Variants in PDSS2 observed in about 807,000 individuals in gnomAD.
The protein encoded by PDSS2 is decaprenyl diphosphate synthase subunit 2.
PDSS2 carries 31 observed loss-of-function variants against 44.5 expected under a neutral mutation model. The observed-to-expected ratio is 0.70, with a 90% CI of 0.52 to 0.94. The LOEUF (loss-of-function observed/expected upper bound fraction) is 0.94, where lower values mean the gene tolerates loss of function less well. PDSS2 is among the 40% of genes least tolerant of loss of function. The pLI is 0.00. For missense variants in PDSS2, 452 were observed against 482.2 expected, an observed-to-expected ratio of 0.94 and a Z score of 0.59; for synonymous variants, 157 against 180.3, an observed-to-expected ratio of 0.87 and a Z score of 1.03.
intron 2 of PDSS2, among the ~76,000 whole-genome samples, chr6:107,301,768 C>A (rs1314767918): frequency 6.6e-6 from 1 of 151,894 alleles, no homozygotes; most frequent in Non-Finnish European, 1.5e-5. Context: ...TTGAGACCAG[C>A]TTGACCAACA....
chr6:107,324,259 T>G (rs1777471682), intron 2 of PDSS2, among the ~76,000 whole-genome samples: 2 of 152,206 alleles, frequency 1.3e-5, no homozygotes, highest in African/African-American at 4.8e-5. Flanking sequence ...TAGGAATATG[T>G]AATCAAATTG....
At chr6:107,338,301 A>G (rs922462069) in intron 1 of PDSS2, among the ~76,000 whole-genome samples, 3 of 152,222 alleles carry the variant, frequency 2.0e-5, no homozygotes, top group African/African-American at 7.2e-5. Context: ...CTTAAGGGAC[A>G]CTGACAAGCT....
At chr6:107,356,568 G>A (rs1778603553) in intron 1 of PDSS2, among the ~76,000 whole-genome samples, 1 of 152,128 alleles carries the variant, frequency 6.6e-6, no homozygotes, top group African/African-American at 2.4e-5. Context: ...GATCATAAAT[G>A]TTATTTCAAG....
At chr6:107,403,167 G>C (rs1780201072) in intron 1 of PDSS2, among the ~76,000 whole-genome samples, 1 of 152,120 alleles carries the variant, frequency 6.6e-6, no homozygotes, top group Admixed American at 6.5e-5. Context: ...TTCCAAATGG[G>C]AGAAGTTGGC....
chr6:107,283,104 C>T (rs1484188317), intron 2 of PDSS2, among the ~76,000 whole-genome samples: 2 of 150,982 alleles, frequency 1.3e-5, no homozygotes, highest in Admixed American at 1.3e-4. Context: ...AGGATTGCTT[C>T]GCCCAGGAGT....
chr6:107,161,382 A>T (rs1207058514), intron 7 of PDSS2, among the ~76,000 whole-genome samples: 1 of 151,246 alleles, frequency 6.6e-6, no homozygotes, highest in African/African-American at 2.4e-5. Flanking sequence ...GTGGAGGCTG[A>T]GGCAGGAGAA....
chr6:107,205,008 T>C (rs1384070880), intron 6 of PDSS2, among the ~76,000 whole-genome samples: 1 of 152,218 alleles, frequency 6.6e-6, no homozygotes, highest in East Asian at 1.9e-4. Flanking sequence ...GATATTAATA[T>C]TATTCCTTTT....
At chr6:107,431,762 C>T (rs1781201445) in intron 1 of PDSS2, among the ~76,000 whole-genome samples, 1 of 152,146 alleles carries the variant, frequency 6.6e-6, no homozygotes, top group South Asian at 2.1e-4. Flanking sequence ...ATAACAGTAG[C>T]TATATTTATT....
chr6:107,459,480 A>C lies in PDSS2; in HGVS notation c.-195T>G. The C allele has an allele frequency of 1.7e-6, 1 of 603,114 alleles. No individual in the cohort carries two copies. The highest frequency in any genetic ancestry group is 2.9e-6 in the Non-Finnish European group (1 of 339,400). The allele number at this position is 603,114 out of a possible 1,614,324, so 37.4% of individuals were successfully genotyped here. Reference sequence around the variant, plus strand: ...TTCTGCAGCCCAGGCTGGGCAAACAACAGTCCCAGCTCAGCACTGCCCCCG... The same window carrying C: ...TTCTGCAGCCCAGGCTGGGCAAACACCAGTCCCAGCTCAGCACTGCCCCCG... On this transcript the variant is annotated 5_prime_UTR_variant, in exon 1 of 8. Transcript: ENST00000369037. The surrounding 1 kb of genome is among the most constrained non-coding windows in gnomAD (Gnocchi z 4.3).
chr6:107,357,349 C>T (rs1308129741), intron 1 of PDSS2, among the ~76,000 whole-genome samples: 2 of 152,100 alleles, frequency 1.3e-5, no homozygotes, highest in African/African-American at 4.8e-5. Context: ...CATCTATTAG[C>T]ATGAGAAAGC....
At chr6:107,413,792 T>C (rs1408467241) in intron 1 of PDSS2, among the ~76,000 whole-genome samples, 1 of 152,196 alleles carries the variant, frequency 6.6e-6, no homozygotes, top group Non-Finnish European at 1.5e-5. Context: ...ACTTTTTTTA[T>C]GCATTCACGT....
At chr6:107,348,681 G>A (rs576315273) in intron 1 of PDSS2, among the ~76,000 whole-genome samples, 14 of 152,266 alleles carry the variant, frequency 9.2e-5, no homozygotes, top group African/African-American at 3.4e-4. Flanking sequence ...GTTTCCATCA[G>A]TACAAAGGCC....
At chr6:107,456,061 G>A (rs566994360) in intron 1 of PDSS2, among the ~76,000 whole-genome samples, 84 of 152,284 alleles carry the variant, frequency 5.5e-4, no homozygotes, top group African/African-American at 1.9e-3. Context: ...GGTGGCTCAC[G>A]CCTATAATCC....
At chr6:107,159,991 G>A (rs185651532) in intron 7 of PDSS2, among the ~76,000 whole-genome samples, 4 of 152,126 alleles carry the variant, frequency 2.6e-5, no homozygotes, top group East Asian at 1.9e-4. Flanking sequence ...CTTGGAGGGC[G>A]GATCACTTGA....
intron 4 of PDSS2, among the ~76,000 whole-genome samples, chr6:107,227,405 CAGCCTCCTGAGT>C (rs1341370738): frequency 6.6e-6 from 1 of 151,198 alleles, no homozygotes; most frequent in Admixed American, 6.6e-5. Flanking sequence ...TCTCGTGCCT[CAGCCTCCTGAGT>C]AGCTGGGATT....
At chr6:107,260,658 A>ATTTT (rs540553793) in intron 3 of PDSS2, among the ~76,000 whole-genome samples, 4 of 93,412 alleles carry the variant, frequency 4.3e-5, no homozygotes, top group Non-Finnish European at 4.1e-5. Context: ...TTCCCCCTTC[A>ATTTT]TTTTTTTTTT....
chr6:107,396,528 T>C (rs771818072), intron 1 of PDSS2, among the ~76,000 whole-genome samples: 5 of 152,234 alleles, frequency 3.3e-5, no homozygotes, highest in African/African-American at 1.2e-4. Context: ...ATGGCAATTC[T>C]AGATCCTGTT....
chr6:107,370,456 C>CA (rs372357070), intron 1 of PDSS2, among the ~76,000 whole-genome samples: 237 of 152,302 alleles, frequency 1.6e-3, no homozygotes, highest in African/African-American at 5.5e-3. Flanking sequence ...TTTCACCAAA[C>CA]AAAGCTTCTT....
chr6:107,274,328 C>T, intron 2 of PDSS2, 101 bp from the exon 3 acceptor site: 1 of 944,616 alleles, frequency 1.1e-6, no homozygotes, highest in Non-Finnish European at 1.7e-6. Flanking sequence ...TAGGTTGCCC[C>T]CCACTTTTTT....
Sources: gnomAD v4.1 joint callset for allele counts (sites outside exome capture counted in the v4.1 genomes callset) on GRCh38, gnomAD v4.1.1 for gene constraint, Gnocchi (gnomAD v3.1) non-coding constraint, MANE v1.5 for transcripts, NCBI Gene and HGNC (gene_info 2026-07-23, HGNC 2026-07-21) for gene names.